SCN7A: variants seen among roughly 807,000 people sequenced by gnomAD.
The protein encoded by SCN7A is sodium channel protein type 7 subunit alpha.
A neutral mutation model predicts 155.2 loss-of-function variants in SCN7A; 138 were observed. The observed-to-expected ratio is 0.89, with a 90% CI of 0.77 to 1.02. SCN7A has a LOEUF of 1.02. Among genes scored for constraint, SCN7A ranks in the 50% least tolerant of loss-of-function variants. The pLI, the probability that SCN7A is intolerant of heterozygous loss-of-function variation, is 0.00. For synonymous variants in SCN7A, 693 were observed against 649.0 expected, an observed-to-expected ratio of 1.07 and a Z score of -1.03; for missense variants, 2,058 against 1,986.6, an observed-to-expected ratio of 1.04 and a Z score of -0.68.
intron 10 of SCN7A, among the ~76,000 whole-genome samples, chr2:166,459,254 A>G (rs1702350261): frequency 6.6e-6 from 1 of 152,184 alleles, no homozygotes. Flanking sequence ...CTAGTGGAGC[A>G]TAAAAGCATA....
Position 166,406,514 on chromosome 2 carries a change from G to C in SCN7A, c.4115C>G (p.Pro1372Arg), listed in dbSNP as rs1484675235. ...GPKVFHNLML[P>R]LMLSLPALLN... ...TAATGCTGGGAGGGACAGCATCAAA[G>C]GAAGCATCAGATTATGAAACACCTT... Residue 1372 changes from proline to arginine, a missense_variant, in exon 26 of 26, where the codon CCT (proline) becomes CGT (arginine). Coordinates refer to ENST00000643258, the MANE Select transcript of SCN7A (RefSeq NM_002976.4). 6.2e-7 allele frequency: 1 copy of C among 1,612,840 alleles called. No homozygotes were observed. The highest frequency in any genetic ancestry group is 8.5e-7 in the Non-Finnish European group (1 of 1,179,256).
At chr2:166,471,005 T>G (rs186223759) in intron 6 of SCN7A, among the ~76,000 whole-genome samples, 48 of 152,012 alleles carry the variant, frequency 3.2e-4, no homozygotes, top group Admixed American at 6.6e-4. Flanking sequence ...ATCTAATTAC[T>G]GAAAAGATAG....
rs145557728 is a variant in SCN7A at position 166,487,769 on chromosome 2, T to C, written c.-127-801A>G. Among the ~76,000 whole-genome samples the C allele has an allele frequency of 6.2e-4, 95 of 152,234 alleles. 1 individual carries two copies. Among genetic ancestry groups the C allele is most frequent in the Middle Eastern group, 3.4e-3 (1 of 294 alleles). On this transcript the variant is annotated intron_variant, in intron 1 of 25. Coordinates refer to ENST00000643258, the MANE Select transcript of SCN7A (RefSeq NM_002976.4). ...CAAGAATGTAGACCATAGAGCAAGA[T>C]AATATAAATTAAGAAAAATGAAACA...
At position 166,404,586 on chromosome 2, in the gene SCN7A, C is replaced by A. The variant is rs1218038037; in HGVS notation, c.*994G>T. 1 of 151,636 alleles carries A rather than the reference C, an allele frequency of 6.6e-6. No homozygotes were observed. Among genetic ancestry groups the A allele is most frequent in the Non-Finnish European group, 1.5e-5 (1 of 67,820 alleles). The allele number at this position is 151,636 out of a possible 1,614,324, so 9.4% of individuals were successfully genotyped here. A position where few individuals can be genotyped will look rare whatever the true frequency, so the allele number is the denominator to read the frequency against. ...AGTACTTTAAAGTTGCCACAACTTT[C>A]CAATTAAGGGCCAAGACACTATGAG... On this transcript the variant is annotated 3_prime_UTR_variant, in exon 26 of 26. Transcript: ENST00000643258.
intron 15 of SCN7A, chr2:166,441,119 T>C (rs1461372309): frequency 4.6e-6 from 2 of 437,008 alleles, no homozygotes. Context: ...ACCTACTATA[T>C]TATCATTAAA....
intron 1 of SCN7A, among the ~76,000 whole-genome samples, chr2:166,489,665 T>C (rs763343100): frequency 9.9e-5 from 15 of 152,238 alleles, no homozygotes; most frequent in Non-Finnish European, 1.5e-4. Flanking sequence ...CCTACTTTTT[T>C]ACCTGTCTGT....
At chr2:166,423,624 T>C (rs1559095016) in intron 18 of SCN7A, among the ~76,000 whole-genome samples, 192 bp from the exon 19 acceptor site, 1 of 152,032 alleles carries the variant, frequency 6.6e-6, no homozygotes, top group Non-Finnish European at 1.5e-5. Context: ...TTTGACCCCA[T>C]GCCTACGCCA....
At chr2:166,485,521 A>G (rs1197642492) in intron 2 of SCN7A, among the ~76,000 whole-genome samples, 1 of 152,168 alleles carries the variant, frequency 6.6e-6, no homozygotes, top group Non-Finnish European at 1.5e-5. Context: ...TTGAAACACT[A>G]GAAAAGGACA....
At chr2:166,435,367 T>C (rs757521892) in intron 15 of SCN7A, among the ~76,000 whole-genome samples, 1 of 152,112 alleles carries the variant, frequency 6.6e-6, no homozygotes, top group Admixed American at 6.5e-5. Flanking sequence ...AGTAACTTTA[T>C]TCTAGTCACA....
intron 12 of SCN7A, among the ~76,000 whole-genome samples, chr2:166,445,399 T>C (rs1702042060): frequency 6.6e-6 from 1 of 151,744 alleles, no homozygotes; most frequent in African/African-American, 2.4e-5. Context: ...GGAGGAAGGT[T>C]AAACATTCTC....
At chr2:166,475,093 C>CATAT (rs1553520518) in intron 3 of SCN7A, among the ~76,000 whole-genome samples, 1 of 129,560 alleles carries the variant, frequency 7.7e-6, no homozygotes, top group Non-Finnish European at 1.6e-5. Flanking sequence ...TATATATATA[C>CATAT]ACATATATAT....
intron 5 of SCN7A, among the ~76,000 whole-genome samples, chr2:166,473,167 T>A (rs1169862338): frequency 1.3e-5 from 2 of 151,602 alleles, no homozygotes; most frequent in Non-Finnish European, 2.9e-5. Context: ...GCCTCTGAAC[T>A]TGAAAGTTAA....
Position 166,405,450 on chromosome 2 carries a change from G to GT in SCN7A, c.*129dup, listed in dbSNP as rs527742182. 4.6e-4 allele frequency: 321 copies of GT among 691,720 alleles called. 1 individual carries two copies. In the African/African-American group the frequency reaches 5.2e-3, roughly 11 times the overall value. The allele number at this position is 691,720 out of a possible 1,614,324, so 42.8% of individuals were successfully genotyped here. A position where few individuals can be genotyped will look rare whatever the true frequency, so the allele number is the denominator to read the frequency against. Reference sequence around the variant, plus strand: ...AAAAGTGAATTTGGCATGAAGTCTTGTGAATACAAGCTTAATTACCATCGG... The same window carrying GT: ...AAAAGTGAATTTGGCATGAAGTCTTGTTGAATACAAGCTTAATTACCATCGG... On this transcript the variant is annotated 3_prime_UTR_variant, in exon 26 of 26. Transcript: ENST00000643258.
At chr2:166,440,256 G>C (rs1701930370) in intron 15 of SCN7A, among the ~76,000 whole-genome samples, 1 of 152,176 alleles carries the variant, frequency 6.6e-6, no homozygotes, top group Non-Finnish European at 1.5e-5. Flanking sequence ...TCTAAGAATG[G>C]ATTCTAGGCA....
At chr2:166,454,185 C>T (rs1326840557) in intron 11 of SCN7A, among the ~76,000 whole-genome samples, 1 of 152,054 alleles carries the variant, frequency 6.6e-6, no homozygotes, top group South Asian at 2.1e-4. Context: ...TGTGAAATGC[C>T]ACTTCAGAAC....
intron 2 of SCN7A, among the ~76,000 whole-genome samples, chr2:166,484,075 A>T (rs748410343): frequency 6.6e-6 from 1 of 151,996 alleles, no homozygotes; most frequent in Non-Finnish European, 1.5e-5. Flanking sequence ...GTGTCTCTTG[A>T]TATCTTAATA....
chr2:166,424,821 C>T (rs1316258815), intron 18 of SCN7A, among the ~76,000 whole-genome samples: 1 of 152,094 alleles, frequency 6.6e-6, no homozygotes, highest in Non-Finnish European at 1.5e-5. Flanking sequence ...TTGCACCCAG[C>T]TACATCATTT....
intron 19 of SCN7A, among the ~76,000 whole-genome samples, chr2:166,421,547 T>G (rs1340437904): frequency 2.6e-5 from 4 of 152,036 alleles, no homozygotes; most frequent in African/African-American, 9.7e-5. Context: ...CATATTTTAG[T>G]GAGATAAATA....
At chr2:166,455,987 C>CACCATGAAATACTAGGCA (rs1559113706) in intron 11 of SCN7A, among the ~76,000 whole-genome samples, 1 of 152,114 alleles carries the variant, frequency 6.6e-6, no homozygotes, top group Non-Finnish European at 1.5e-5. Context: ...GGCACATATA[C>CACCATGAAATACTAGGCA]ACCATGAAAT....
Sources: gnomAD v4.1 joint callset for allele counts (sites outside exome capture counted in the v4.1 genomes callset) on GRCh38, gnomAD v4.1.1 for gene constraint, MANE v1.5 for transcripts, NCBI Gene and HGNC (gene_info 2026-07-23, HGNC 2026-07-21) for gene names.